The following LEPR variants were observed in gnomAD, a reference collection of about 807,000 sequenced individuals.
LEPR encodes the protein OB receptor.
LEPR carries 56 observed loss-of-function variants against 114.7 expected under a neutral mutation model. The ratio of observed to expected loss-of-function variants is 0.49; its 90% CI spans 0.39 to 0.61. The LOEUF is 0.61. Ranked by LOEUF, LEPR falls within the 20% of genes least tolerant of loss-of-function variation. LEPR has a pLI of 0.00. For synonymous variants in LEPR, 443 were observed against 461.4 expected (o/e 0.96, Z 0.51); for missense variants, 1,202 against 1,352.9 (o/e 0.89, Z 1.75).
At chr1:65,565,933 C>G (rs1024197038) in intron 3 of LEPR, among the ~76,000 whole-genome samples, 2 of 151,974 alleles carry the variant, frequency 1.3e-5, no homozygotes, top group African/African-American at 4.8e-5. Context: ...AAAAATAGCA[C>G]TGGTCTGTAC....
chr1:65,587,379 TAA>T (rs1343495532), intron 5 of LEPR, among the ~76,000 whole-genome samples: 1 of 152,052 alleles, frequency 6.6e-6, no homozygotes, highest in Non-Finnish European at 1.5e-5. Context: ...TTGCTTTGCT[TAA>T]AGATTTAGAT....
chr1:65,626,180 G>A, intron 19 of LEPR: 1 of 1,610,678 alleles, frequency 6.2e-7, no homozygotes, highest in Non-Finnish European at 8.5e-7. Flanking sequence ...GGAAATGCTT[G>A]TAGACTACGT....
At chr1:65,422,187 C>G (rs1646264370) in intron 1 of LEPR, among the ~76,000 whole-genome samples, 1 of 152,194 alleles carries the variant, frequency 6.6e-6, no homozygotes, top group Non-Finnish European at 1.5e-5. Context: ...AAAATGATAA[C>G]TGGTTTAAGG....
intron 1 of LEPR, chr1:65,421,247 G>A (rs749898886): frequency 5.1e-5 from 71 of 1,388,390 alleles, no homozygotes; most frequent in Non-Finnish European, 6.5e-5. Flanking sequence ...CCAGAAAGAC[G>A]GTGTTTCTCG....
intron 2 of LEPR, among the ~76,000 whole-genome samples, chr1:65,543,970 G>A (rs1570649806): frequency 6.6e-6 from 1 of 151,970 alleles, no homozygotes; most frequent in Non-Finnish European, 1.5e-5. Flanking sequence ...GGTTCCATAT[G>A]AAATTTAAAG....
chr1:65,569,637 G>A (rs940998751), intron 3 of LEPR, among the ~76,000 whole-genome samples: 8 of 144,174 alleles, frequency 5.5e-5, no homozygotes, highest in Admixed American at 5.1e-4. Context: ...AACCCGGGAA[G>A]CAGAGGTTGC....
intron 2 of LEPR, among the ~76,000 whole-genome samples, chr1:65,482,052 C>T (rs909428743): frequency 6.6e-6 from 1 of 151,544 alleles, no homozygotes; most frequent in Non-Finnish European, 1.5e-5. Flanking sequence ...TATTTCTATA[C>T]AACAGCAACA....
intron 16 of LEPR, 109 bp from the exon 17 acceptor site, chr1:65,619,819 C>A: frequency 1.1e-6 from 1 of 899,258 alleles, no homozygotes; most frequent in East Asian, 2.7e-5. Flanking sequence ...TAAGTAATTT[C>A]TATGTTTGGA....
intron 2 of LEPR, among the ~76,000 whole-genome samples, chr1:65,548,200 C>T (rs1456849775): frequency 6.6e-6 from 1 of 152,112 alleles, no homozygotes; most frequent in Non-Finnish European, 1.5e-5. Flanking sequence ...TGTTCTTTTA[C>T]ATTTGCTGAG....
intron 2 of LEPR, among the ~76,000 whole-genome samples, chr1:65,465,319 A>G (rs1451584911): frequency 1.3e-5 from 2 of 152,160 alleles, no homozygotes; most frequent in African/African-American, 4.8e-5. Flanking sequence ...TTCAGTTTCC[A>G]TGTAGTTGTG....
chr1:65,597,685 G>A (rs1656160885), intron 7 of LEPR, among the ~76,000 whole-genome samples: 1 of 152,080 alleles, frequency 6.6e-6, no homozygotes, highest in African/African-American at 2.4e-5. Flanking sequence ...GGCCTCTTGG[G>A]CCATGTGAAT....
At chr1:65,444,603 G>A (rs981737638) in intron 2 of LEPR, among the ~76,000 whole-genome samples, 2 of 151,164 alleles carry the variant, frequency 1.3e-5, no homozygotes, top group African/African-American at 2.4e-5. Flanking sequence ...GGGGTGGGGA[G>A]GGAAATCCCT....
rs1283299457 is a variant in LEPR, at chr1:65,564,530, G to A, written c.-20-1016G>A. 3.3e-5 allele frequency among the ~76,000 whole-genome samples: 3 copies of A among 92,012 alleles called. 1 individual carries two copies. Among genetic ancestry groups the A allele is most frequent in the Admixed American group, 9.1e-5 (1 of 11,016 alleles). 60.4% of individuals were successfully genotyped at this position (92,012 alleles called of 152,430 possible). On this transcript the variant is annotated intron_variant, in intron 2 of 19. Coordinates refer to ENST00000349533, the MANE Select transcript of LEPR (RefSeq NM_002303.6). ...CCCGTCTTCTGCGTTGCTCATGCTGGGAGCTGTAGACCGGAGCTGTTCCTA... is the reference window on the plus strand; with the variant it reads ...CCCGTCTTCTGCGTTGCTCATGCTGAGAGCTGTAGACCGGAGCTGTTCCTA...
intron 1 of LEPR, 92 bp downstream of exon 1, chr1:65,420,832 G>C (rs1293030822): frequency 1.4e-6 from 2 of 1,458,052 alleles, no homozygotes; most frequent in Admixed American, 2.0e-5. Context: ...CGCGCCGTTG[G>C]GGAACGGCCT....
chr1:65,547,131 C>G (rs1348370465), intron 2 of LEPR, among the ~76,000 whole-genome samples: 1 of 151,530 alleles, frequency 6.6e-6, no homozygotes, highest in East Asian at 1.9e-4. Context: ...GTATATTGAA[C>G]CAGCCTTGCA....
intron 14 of LEPR, among the ~76,000 whole-genome samples, chr1:65,614,083 A>C (rs543953673): frequency 6.6e-6 from 1 of 152,326 alleles, no homozygotes; most frequent in Admixed American, 6.5e-5. Context: ...CACATGATGC[A>C]ACATTGCATC....
intron 2 of LEPR, among the ~76,000 whole-genome samples, chr1:65,449,948 C>G (rs1383229984): frequency 6.6e-6 from 1 of 152,000 alleles, no homozygotes; most frequent in Admixed American, 6.6e-5. Flanking sequence ...TTTGAAAAGT[C>G]ATGCTTTTAT....
intron 5 of LEPR, among the ~76,000 whole-genome samples, chr1:65,589,617 G>A (rs1463298007): frequency 6.6e-6 from 1 of 151,960 alleles, no homozygotes; most frequent in Non-Finnish European, 1.5e-5. Context: ...ATGGATTAAA[G>A]TTCTTTTCTT....
At chr1:65,539,504 C>T (rs1350501668) in intron 2 of LEPR, among the ~76,000 whole-genome samples, 1 of 152,130 alleles carries the variant, frequency 6.6e-6, no homozygotes, top group Non-Finnish European at 1.5e-5. Flanking sequence ...AGGCCTGTTG[C>T]CTAAATGTCA....
Sources: gnomAD v4.1 joint callset for allele counts (sites outside exome capture counted in the v4.1 genomes callset) on GRCh38, gnomAD v4.1.1 for gene constraint, MANE v1.5 for transcripts, NCBI Gene and HGNC (gene_info 2026-07-23, HGNC 2026-07-21) for gene names.